The following CLDN1 variants were observed in gnomAD, a reference collection of about 807,000 sequenced individuals.
The protein encoded by CLDN1 is claudin 1.
In CLDN1, 12 loss-of-function variants were observed where a neutral mutation model predicts 22.6. The ratio of observed to expected loss-of-function variants is 0.53; its 90% CI spans 0.34 to 0.86. CLDN1 has a LOEUF of 0.86. Ranked by LOEUF, CLDN1 falls within the 40% of genes least tolerant of loss-of-function variation. The probability of loss-of-function intolerance (pLI) is 0.02; values close to 1 mark genes in which losing one functional copy is unlikely to be tolerated. For synonymous variants in CLDN1, 99 were observed against 103.8 expected, an observed-to-expected ratio of 0.95 and a Z score of 0.28; for missense variants, 250 against 269.5, an observed-to-expected ratio of 0.93 and a Z score of 0.51.
Position 190,312,764 on chromosome 3 carries a change from C to T in CLDN1, c.388+108G>A, listed in dbSNP as rs983924480. 6.6e-6 allele frequency: 8 copies of T among 1,219,346 alleles called. No homozygotes were observed. The African/African-American group carries it at 7.5e-5, about 11-fold the overall frequency. The allele number at this position is 1,219,346 out of a possible 1,614,324, so 75.5% of individuals were successfully genotyped here. A position where few individuals can be genotyped will look rare whatever the true frequency, so the allele number is the denominator to read the frequency against. ...CAACTGGACTTCAGGTCTATGTTTG[C>T]AGTTTGCCTTAGAGACTGAAATCAA... is the stretch of plus-strand genomic sequence containing the variant. On this transcript the variant is annotated intron_variant, in intron 2 of 3. Transcript: ENST00000295522.
intron 2 of CLDN1, among the ~76,000 whole-genome samples, chr3:190,310,956 C>T (rs1716599373): frequency 6.6e-6 from 1 of 152,008 alleles, no homozygotes; most frequent in African/African-American, 2.4e-5. Flanking sequence ...GTATAAAATA[C>T]TTCATTTTTT....
intron 2 of CLDN1, among the ~76,000 whole-genome samples, chr3:190,312,444 T>G (rs1577388787): frequency 6.6e-6 from 1 of 152,176 alleles, no homozygotes; most frequent in Non-Finnish European, 1.5e-5. Flanking sequence ...ATCCTTATTT[T>G]TCTCCAATAA....
At chr3:190,321,382 G>A (rs1033620071) in intron 1 of CLDN1, among the ~76,000 whole-genome samples, 1 of 152,134 alleles carries the variant, frequency 6.6e-6, no homozygotes, top group Non-Finnish European at 1.5e-5. Context: ...TCTCCAAAGA[G>A]TCTTGCAAGG....
At chr3:190,317,575 A>G (rs1193844916) in intron 1 of CLDN1, among the ~76,000 whole-genome samples, 3 of 152,252 alleles carry the variant, frequency 2.0e-5, no homozygotes, top group African/African-American at 4.8e-5. Flanking sequence ...AGAATCTACT[A>G]TCAATACCAG....
At chr3:190,308,471 A>G in intron 3 of CLDN1, 32 bp from the exon 4 acceptor site, 1 of 1,609,626 alleles carries the variant, frequency 6.2e-7, no homozygotes, top group East Asian at 2.2e-5. Context: ...CTTGTTAATC[A>G]GTGAATTATT....
intron 1 of CLDN1, among the ~76,000 whole-genome samples, chr3:190,317,909 C>T (rs1457696103): frequency 6.6e-6 from 1 of 152,198 alleles, no homozygotes; most frequent in African/African-American, 2.4e-5. Flanking sequence ...CCCTTTGCAT[C>T]TGTAGTTGCT....
chr3:190,313,699 G>T (rs888683713), intron 1 of CLDN1, among the ~76,000 whole-genome samples: 2 of 149,830 alleles, frequency 1.3e-5, no homozygotes, highest in Non-Finnish European at 2.9e-5. Context: ...CATATTCAAA[G>T]ACATCACTAG....
intron 1 of CLDN1, among the ~76,000 whole-genome samples, chr3:190,321,715 A>T (rs1327431354): frequency 1.3e-5 from 2 of 152,136 alleles, no homozygotes; most frequent in East Asian, 1.9e-4. Flanking sequence ...CTCAACTCGA[A>T]CCACCAGCAT....
intron 1 of CLDN1, among the ~76,000 whole-genome samples, chr3:190,314,803 A>G (rs1204759827): frequency 6.6e-6 from 1 of 152,152 alleles, no homozygotes; most frequent in Non-Finnish European, 1.5e-5. Context: ...TTAAAAATAA[A>G]AAAGAGACTT....
rs576918390 is a variant in CLDN1 at position 190,318,476 on chromosome 3, T to G, written c.223+3508A>C. 3.3e-5 allele frequency among the ~76,000 whole-genome samples: 5 copies of G among 152,282 alleles called. No individual in the cohort carries two copies. The South Asian group carries it at 1.0e-3, about 32-fold the overall frequency. On this transcript the variant is annotated intron_variant, in intron 1 of 3. Transcript: ENST00000295522. ...CAGCAAGAATAGGGCCTAGCTTGCA[T>G]CTGTTGAATGGATAAACGAATCATA...
intron 1 of CLDN1, among the ~76,000 whole-genome samples, chr3:190,314,891 A>T (rs977460254): frequency 2.0e-5 from 3 of 152,132 alleles, no homozygotes; most frequent in Admixed American, 2.0e-4. Context: ...ACTTATCTCA[A>T]GATTCCAGGT....
chr3:190,317,044 G>A (rs139568954), intron 1 of CLDN1, among the ~76,000 whole-genome samples: 10 of 152,250 alleles, frequency 6.6e-5, no homozygotes, highest in African/African-American at 2.2e-4. Flanking sequence ...ATGGAATGAT[G>A]AGTGGCAGAG....
At position 190,306,333 on chromosome 3, in the gene CLDN1, T is replaced by TTGAATCATAATA. The variant is rs1716451285; in HGVS notation, c.*1943_*1944insTATTATGATTCA. 6.6e-6 allele frequency: 1 copy of TTGAATCATAATA among 152,256 alleles called. No individual in the cohort carries two copies. The highest frequency in any genetic ancestry group is 1.5e-5 in the Non-Finnish European group (1 of 68,040). The allele number at this position is 152,256 out of a possible 1,614,324, so 9.4% of individuals were successfully genotyped here. ...CTTATTTGTTTAGTGCACTCAATTT[T>TTGAATCATAATA]ACTTCACTGTCTCATCACTTGAGAG... On this transcript the variant is annotated 3_prime_UTR_variant, in exon 4 of 4. Coordinates refer to ENST00000295522, the MANE Select transcript of CLDN1 (RefSeq NM_021101.5).
Position 190,308,137 on chromosome 3 carries a change from GT to G in CLDN1, c.*139del, listed in dbSNP as rs1239025198. 5.8e-6 allele frequency: 6 copies of G among 1,026,134 alleles called. No individual in the cohort carries two copies. The highest frequency in any genetic ancestry group is 4.5e-6 in the Non-Finnish European group (3 of 663,348). The allele number at this position is 1,026,134 out of a possible 1,614,324, so 63.6% of individuals were successfully genotyped here. On this transcript the variant is annotated 3_prime_UTR_variant, in exon 4 of 4. Transcript: ENST00000295522. ...TAGCACTGAGTATTTTAACACATGG[GT>G]TTTTTGTTTGTTTGTTTGTTTTGTA...
chr3:190,314,419 G>A (rs1467125198), intron 1 of CLDN1, among the ~76,000 whole-genome samples: 2 of 152,032 alleles, frequency 1.3e-5, no homozygotes, highest in East Asian at 3.8e-4. Flanking sequence ...TTTTGAGATA[G>A]AGTCTTGCTC....
Position 190,308,330 on chromosome 3 carries a change from T to C in CLDN1, c.583A>G (p.Thr195Ala), listed in dbSNP as rs758843692. Residue 195 changes from threonine to alanine, a missense_variant, in exon 4 of 4, where the codon ACA becomes GCA. By Grantham distance (58) the Thr-to-Ala change is moderately conservative. Transcript: ENST00000295522. ...GCAGGTTTTGGATAGGGCCTTGGTG[T>C]TGGGTAAGAGGTTGTTTTTCGGGGA... ...SCPRKTTSYP[T>A]PRPYPKPAPS... The C allele has an allele frequency of 3.7e-6, 6 of 1,613,718 alleles. No individual in the cohort carries two copies. In the Admixed American group the frequency reaches 1.0e-4, roughly 27 times the overall value.
intron 1 of CLDN1, among the ~76,000 whole-genome samples, chr3:190,316,266 C>G (rs963900043): frequency 6.6e-6 from 1 of 152,160 alleles, no homozygotes; most frequent in Non-Finnish European, 1.5e-5. Context: ...AATATTTTCA[C>G]TTACATCCTG....
intron 2 of CLDN1, 28 bp downstream of exon 2, chr3:190,312,844 G>T (rs1277295517): frequency 6.2e-7 from 1 of 1,612,298 alleles, no homozygotes; most frequent in South Asian, 1.1e-5. Flanking sequence ...AGGTTAGTAA[G>T]GTGAAAGGGG....
intron 1 of CLDN1, among the ~76,000 whole-genome samples, chr3:190,319,056 T>G (rs1309581006): frequency 1.3e-5 from 2 of 152,150 alleles, no homozygotes; most frequent in African/African-American, 2.4e-5. Flanking sequence ...TCCTTCAAAA[T>G]GCTTATTTAT....
Sources: gnomAD v4.1 joint callset for allele counts (sites outside exome capture counted in the v4.1 genomes callset) on GRCh38, gnomAD v4.1.1 for gene constraint, MANE v1.5 for transcripts, NCBI Gene and HGNC (gene_info 2026-07-23, HGNC 2026-07-21) for gene names.